Variants in UGGT1 observed in about 807,000 individuals in gnomAD.
The protein encoded by UGGT1 is UDP-glucose glycoprotein glucosyltransferase 1.
A neutral mutation model predicts 203.9 loss-of-function variants in UGGT1; 107 were observed. The observed-to-expected ratio is 0.52, with a 90% CI of 0.45 to 0.62. UGGT1 has a LOEUF of 0.62. Among genes scored for constraint, UGGT1 ranks in the 20% least tolerant of loss-of-function variants. The pLI, the probability that UGGT1 is intolerant of heterozygous loss-of-function variation, is 0.00. For missense variants in UGGT1, 1,673 were observed against 1,867.2 expected (o/e 0.90, Z 1.92); for synonymous variants, 628 against 653.5 (o/e 0.96, Z 0.59).
At chr2:128,116,027 T>C (rs539018127) in intron 7 of UGGT1, among the ~76,000 whole-genome samples, 9 of 152,298 alleles carry the variant, frequency 5.9e-5, no homozygotes, top group African/African-American at 2.2e-4. Flanking sequence ...TTCCAAAGTT[T>C]AAGGAAAAAT....
At chr2:128,120,580 A>G (rs1420110320) in intron 9 of UGGT1, 124 bp downstream of exon 9, 7 of 731,734 alleles carry the variant, frequency 9.6e-6, no homozygotes, top group Non-Finnish European at 1.6e-5. Flanking sequence ...GATTTTAAAG[A>G]TAAGAGTGAT....
chr2:128,095,482 T>TTCCTCC (rs539130581), intron 1 of UGGT1, among the ~76,000 whole-genome samples: 3 of 138,440 alleles, frequency 2.2e-5, no homozygotes, highest in Admixed American at 7.4e-5. Flanking sequence ...CCTCCTCCTC[T>TTCCTCC]TCCTCCTCCT....
chr2:128,141,894 T>G (rs1188724914), intron 16 of UGGT1, among the ~76,000 whole-genome samples: 3 of 152,076 alleles, frequency 2.0e-5, no homozygotes, highest in East Asian at 3.9e-4. Context: ...TCATCCCTCC[T>G]AAACATCGTG....
At chr2:128,111,331 G>A (rs1687839795) in intron 5 of UGGT1, among the ~76,000 whole-genome samples, 1 of 152,022 alleles carries the variant, frequency 6.6e-6, no homozygotes, top group South Asian at 2.1e-4. Context: ...CTCTACCTTG[G>A]GCAACAGAGT....
At chr2:128,117,704 C>T (rs373933696) in intron 8 of UGGT1, among the ~76,000 whole-genome samples, 5 of 151,912 alleles carry the variant, frequency 3.3e-5, no homozygotes, top group East Asian at 1.9e-4. Context: ...CCACCACACC[C>T]GGCTAATTTT....
At chr2:128,091,497 G>A in intron 1 of UGGT1, 82 bp downstream of exon 1, 1 of 1,516,006 alleles carries the variant, frequency 6.6e-7, no homozygotes, top group Non-Finnish European at 8.9e-7. Flanking sequence ...CTGTCACATT[G>A]AGCTTCCGCC....
At chr2:128,170,106 C>A (rs1200456622) in intron 26 of UGGT1, among the ~76,000 whole-genome samples, 182 bp from the exon 27 acceptor site, 1 of 152,118 alleles carries the variant, frequency 6.6e-6, no homozygotes, top group Non-Finnish European at 1.5e-5. Context: ...ATTTCAGATC[C>A]ATTATTAAGG....
intron 24 of UGGT1, 27 bp downstream of exon 24, chr2:128,160,618 C>T (rs769220480): frequency 6.3e-7 from 1 of 1,597,608 alleles, no homozygotes; most frequent in Non-Finnish European, 8.5e-7. Context: ...CTTGACTTCA[C>T]ATTAGATCCG....
In UGGT1 at chr2:128,134,971, G is replaced by T. The variant is rs1364959335; in HGVS notation, c.1583+10G>T. On this transcript the variant is annotated intron_variant, in intron 15 of 40. Coordinates refer to ENST00000259253, the MANE Select transcript of UGGT1 (RefSeq NM_020120.4). The stretch of plus-strand genomic sequence containing the variant: ...ATCATATACCACTAAGGTAACACTG[G>T]TATTGATTTGATGATGTATCTAATT... The T allele has an allele frequency of 6.2e-7, 1 of 1,604,210 alleles. No homozygotes were observed. The highest frequency in any genetic ancestry group is 1.1e-5 in the South Asian group (1 of 90,844).
chr2:128,173,867 A>G lies in UGGT1; in HGVS notation c.3381A>G (p.Pro1127=). The G allele has an allele frequency of 6.2e-7, 1 of 1,614,182 alleles. No homozygotes were observed. Among genetic ancestry groups the G allele is most frequent in the Non-Finnish European group, 8.5e-7 (1 of 1,180,030 alleles). ...ACGACATCACCACAGGCCAGCCTCC[A>G]CGGGGACTACAGTTTACCTTAGGAA... ...HCYDITTGQP[P]RGLQFTLGTS... The change falls in exon 30 of 41, where the codon CCA becomes CCG. Residue 1127 remains proline, a synonymous_variant. Transcript: ENST00000259253.
intron 5 of UGGT1, among the ~76,000 whole-genome samples, chr2:128,111,540 C>T (rs1232802746): frequency 6.6e-6 from 1 of 152,044 alleles, no homozygotes; most frequent in East Asian, 1.9e-4. Flanking sequence ...GAGTCTCGCT[C>T]TGTCGCCCAG....
rs751652659 is a variant in UGGT1 at position 128,164,713 on chromosome 2, C to CT, written c.2826-16dup. The stretch of plus-strand genomic sequence containing the variant: ...CAGTTAAAAAGATGTTAAGATTTCT[C>CT]TAACCCCTTCTTTCAGGGCAAGCGA... On this transcript the variant is annotated splice_polypyrimidine_tract_variant and intron_variant, in intron 25 of 40. Coordinates refer to ENST00000259253, the MANE Select transcript of UGGT1 (RefSeq NM_020120.4). 1 of 1,609,656 alleles carries CT rather than the reference C, an allele frequency of 6.2e-7. No individual in the cohort carries two copies. The highest frequency in any genetic ancestry group is 8.5e-7 in the Non-Finnish European group (1 of 1,176,024).
intron 5 of UGGT1, 77 bp from the exon 6 acceptor site, chr2:128,113,007 T>C (rs1295257404): frequency 4.7e-6 from 6 of 1,288,298 alleles, no homozygotes; most frequent in African/African-American, 1.5e-5. Flanking sequence ...TTTTCATAAC[T>C]GTACTTTATA....
chr2:128,130,073 C>T (rs1688800140), intron 13 of UGGT1, among the ~76,000 whole-genome samples: 1 of 151,884 alleles, frequency 6.6e-6, no homozygotes, highest in Admixed American at 6.6e-5. Flanking sequence ...CCAGCCTGGC[C>T]AACATGGTGA....
chr2:128,143,602 C>T (rs776130873), intron 17 of UGGT1, among the ~76,000 whole-genome samples: 9 of 152,080 alleles, frequency 5.9e-5, no homozygotes, highest in Non-Finnish European at 1.2e-4. Context: ...TTACATGTGT[C>T]GAAATCTTGA....
rs530130921 is a variant in UGGT1, at chr2:128,095,516, TGCTCTCCTCCTGTCCC to T, written c.59-1911_59-1896del. On this transcript the variant is annotated intron_variant, in intron 1 of 40. Transcript: ENST00000259253. ...CTCCTCCCCCACTCTCCTCCTGTCC[TGCTCTCCTCCTGTCCC>T]GTAACTCCTCCTGTCCCGCTCTGTT... 4.1e-4 allele frequency among the ~76,000 whole-genome samples: 61 copies of T among 150,446 alleles called. 1 individual carries two copies. In the South Asian group the frequency reaches 8.8e-3, roughly 22 times the overall value.
intron 26 of UGGT1, among the ~76,000 whole-genome samples, chr2:128,166,675 G>A (rs1016957424): frequency 6.6e-6 from 1 of 152,092 alleles, no homozygotes; most frequent in African/African-American, 2.4e-5. Context: ...TTGTCTTATG[G>A]AATGTCTCAC....
chr2:128,093,721 A>G (rs1686976569), intron 1 of UGGT1, among the ~76,000 whole-genome samples: 1 of 152,208 alleles, frequency 6.6e-6, no homozygotes, highest in Admixed American at 6.5e-5. Flanking sequence ...ACGGTATTGT[A>G]GAACTTTAAA....
chr2:128,103,589 G>C (rs1687476150), intron 2 of UGGT1, among the ~76,000 whole-genome samples: 1 of 152,066 alleles, frequency 6.6e-6, no homozygotes, highest in African/African-American at 2.4e-5. Flanking sequence ...AGAATCATCA[G>C]TTCCTAATTC....
Sources: gnomAD v4.1 joint callset for allele counts (sites outside exome capture counted in the v4.1 genomes callset) on GRCh38, gnomAD v4.1.1 for gene constraint, MANE v1.5 for transcripts, NCBI Gene and HGNC (gene_info 2026-07-23, HGNC 2026-07-21) for gene names.